Variants in OTOG observed in about 807,000 individuals in gnomAD.
OTOG encodes the protein otogelin.
A neutral mutation model predicts 313.8 loss-of-function variants in OTOG; 296 were observed. That is an observed-to-expected ratio of 0.94 (90% CI 0.86 to 1.04). OTOG has a LOEUF of 1.04. Among genes scored for constraint, OTOG ranks in the 50% least tolerant of loss-of-function variants. The probability of loss-of-function intolerance (pLI) is 0.00; values close to 1 mark genes in which losing one functional copy is unlikely to be tolerated. For synonymous variants in OTOG, 1,533 were observed against 1,554.9 expected (o/e 0.99, Z 0.33); for missense variants, 3,948 against 3,840.1 (o/e 1.03, Z -0.74).
At chr11:17,578,664 A>C in intron 23 of OTOG, 138 bp downstream of exon 23, 3 of 1,122,828 alleles carry the variant, frequency 2.7e-6, no homozygotes, top group Non-Finnish European at 3.6e-6. Flanking sequence ...CACAGCTGTA[A>C]TGGCCAGAGA....
chr11:17,569,289 G>A lies in OTOG; in HGVS notation c.1777+1G>A, dbSNP rs1449192302. ...AAGATCATCCCGCCATACACAGATG[G>A]TACGGTTTGGGGTGGACAACAGACC... On this transcript the variant is annotated splice_donor_variant, in intron 16 of 55. Coordinates refer to ENST00000399397, the MANE Select transcript of OTOG (RefSeq NM_001292063.2). LOFTEE classifies it high-confidence loss of function. 6.4e-7 allele frequency: 1 copy of A among 1,550,594 alleles called. No homozygotes were observed. The highest frequency in any genetic ancestry group is 8.7e-7 in the Non-Finnish European group (1 of 1,146,982).
At position 17,593,200 on chromosome 11, in the gene OTOG, C is replaced by T; in HGVS notation, c.3014C>T (p.Ser1005Leu). ...CACTTATTCTCTCCTCAGAGCACAT[C>T]AGATGTCAGCTTCTCTGTGATTGTA... ...ACKVHLVKST[S>L]DVSFSVIVEN... Residue 1005 changes from serine to leucine, a missense_variant, in exon 26 of 56, where the codon TCA becomes TTA. Physicochemically the swap from Ser to Leu is moderately radical, Grantham distance 145 (BLOSUM62 -2). Transcript: ENST00000399397. The T allele has an allele frequency of 6.5e-7, 1 of 1,550,090 alleles. No homozygotes were observed. Among genetic ancestry groups the T allele is most frequent in the South Asian group, 1.2e-5 (1 of 83,998 alleles).
At chr11:17,570,617 C>A (rs1040143906) in intron 17 of OTOG, 3 of 441,716 alleles carry the variant, frequency 6.8e-6, no homozygotes, top group Non-Finnish European at 8.0e-6. Context: ...AACACTGATT[C>A]CTGAGTCCCG....
At chr11:17,553,252 G>A in intron 5 of OTOG, 41 bp downstream of exon 5, 1 of 1,544,790 alleles carries the variant, frequency 6.5e-7, no homozygotes, top group Non-Finnish European at 8.7e-7. Flanking sequence ...AGGGACCTGG[G>A]TGCAGGGAAA....
Position 17,574,842 on chromosome 11 carries a change from G to C in OTOG, c.2416G>C (p.Glu806Gln). 17 of 1,549,512 alleles carry C rather than the reference G, an allele frequency of 1.1e-5. No homozygotes were observed. The highest frequency in any genetic ancestry group is 1.5e-5 in the Non-Finnish European group (17 of 1,146,464). Residue 806 changes from glutamate to glutamine, a missense_variant, in exon 20 of 56, where the codon GAG becomes CAG. Transcript: ENST00000399397. ...TGGTGGCGATGACCTGAGCAGAGAC[G>C]AGTGTGTGGAGGGCTGTGCCTGCCC... Reference protein sequence around the residue: ...VDGGDDLSRDECVEGCACPPD... With the variant: ...VDGGDDLSRDQCVEGCACPPD...
intron 8 of OTOG, 107 bp from the exon 9 acceptor site, chr11:17,558,078 A>G: frequency 1.5e-6 from 2 of 1,367,986 alleles, no homozygotes; most frequent in Non-Finnish European, 2.0e-6. Context: ...GGATTCTTCA[A>G]AACTCCTTAC....
intron 36 of OTOG, among the ~76,000 whole-genome samples, chr11:17,611,852 G>C (rs371812426): frequency 6.6e-6 from 1 of 152,132 alleles, no homozygotes; most frequent in Non-Finnish European, 1.5e-5. Flanking sequence ...GTATAGGCTT[G>C]TGCAAGTATG....
At chr11:17,630,880 C>T (rs1056503493) in intron 40 of OTOG, among the ~76,000 whole-genome samples, 2 of 152,208 alleles carry the variant, frequency 1.3e-5, no homozygotes, top group Non-Finnish European at 2.9e-5. Flanking sequence ...AAAGCTAGGA[C>T]AGATAAACTT....
rs528446271 is a variant in OTOG, at chr11:17,594,413, T to C, written c.3408+247T>C. Among the ~76,000 whole-genome samples, 26 of 152,274 alleles carry C rather than the reference T, an allele frequency of 1.7e-4. 1 individual carries two copies. Among genetic ancestry groups the C allele is most frequent in the Admixed American group, 1.7e-3 (26 of 15,306 alleles). On this transcript the variant is annotated intron_variant, in intron 28 of 55. Transcript: ENST00000399397. The stretch of plus-strand genomic sequence containing the variant: ...AAGCCCTGGTAGGGTGGTGGAGGGT[T>C]GGGAAGGTGACAAAGTCTGTCCCAG...
In OTOG at chr11:17,635,127, C is replaced by T; in HGVS notation, c.7633C>T (p.Gln2545Ter). The change falls in exon 46 of 56, where the codon CAG becomes TAG. Residue 2545 changes from glutamine to a stop codon, truncating the protein, a stop_gained. Coordinates refer to ENST00000399397, the MANE Select transcript of OTOG (RefSeq NM_001292063.2). LOFTEE classifies it high-confidence loss of function. ...CEAELVPSCR[Q>*]DQILITGRLG... ...GGCAGAGCTGGTCCCCAGCTGCCGA[C>T]AGGACCAGATCCTGATCACGGGCCG... The T allele has an allele frequency of 6.5e-7, 1 of 1,549,374 alleles. No homozygotes were observed. Among genetic ancestry groups the T allele is most frequent in the Non-Finnish European group, 8.7e-7 (1 of 1,146,726 alleles).
Position 17,555,888 on chromosome 11 carries a change from G to A in OTOG, c.650G>A (p.Gly217Glu). ...CATCTGGCCAAGGAGGTCACCCATG[G>A]AGGCATGAGGTAACTCTAACACCTT... ...EIHLAKEVTH[G>E]GMRVQLPHVM... is the part of the protein sequence containing the mutation. Residue 217 changes from glycine (G) to glutamate (E), a missense_variant, in exon 7 of 56, where the codon GGA becomes GAA. Gly to Glu is a moderately conservative substitution (Grantham distance 98). Coordinates refer to ENST00000399397, the MANE Select transcript of OTOG (RefSeq NM_001292063.2). 1 of 1,550,576 alleles carries A rather than the reference G, an allele frequency of 6.4e-7. No homozygotes were observed. Among genetic ancestry groups the A allele is most frequent in the Non-Finnish European group, 8.7e-7 (1 of 1,146,604 alleles).
chr11:17,558,512 C>T (rs750642368), intron 9 of OTOG, 26 bp from the exon 10 acceptor site: 1 of 1,549,484 alleles, frequency 6.5e-7, no homozygotes, highest in Non-Finnish European at 8.7e-7. Flanking sequence ...CAGCCCCTAG[C>T]CCTGGCTCCT....
intron 30 of OTOG, among the ~76,000 whole-genome samples, chr11:17,597,226 G>T (rs911918068): frequency 6.6e-6 from 1 of 152,200 alleles, no homozygotes; most frequent in African/African-American, 2.4e-5. Flanking sequence ...TAGAGAGAGA[G>T]ATCAAGTAAC....
intron 49 of OTOG, 111 bp from the exon 50 acceptor site, chr11:17,640,634 C>T (rs980325077): frequency 6.6e-5 from 79 of 1,190,146 alleles, no homozygotes; most frequent in Non-Finnish European, 7.7e-5. Context: ...CAGCCCCCCT[C>T]CTGCCCACCA....
Position 17,610,881 on chromosome 11 carries a change from C to G in OTOG, c.5581C>G (p.Pro1861Ala), listed in dbSNP as rs1373939655. 1 of 1,550,650 alleles carries G rather than the reference C, an allele frequency of 6.4e-7. No homozygotes were observed. The highest frequency in any genetic ancestry group is 8.7e-7 in the Non-Finnish European group (1 of 1,147,006). The change falls in exon 36 of 56, where the codon CCA (proline) becomes GCA (alanine). Residue 1861 changes from proline (P) to alanine (A), a missense_variant. Transcript: ENST00000399397. ...TCCAGCAGCAATGACCCAGGCGCACCCACCCACTCACATAGCACCCCCAGC... is the reference window on the plus strand; with the variant it reads ...TCCAGCAGCAATGACCCAGGCGCACGCACCCACTCACATAGCACCCCCAGC... ...FTPAAMTQAH[P>A]PTHIAPPAAG...
chr11:17,591,361 C>T (rs757534899), intron 24 of OTOG, 89 bp from the exon 25 acceptor site: 20 of 1,497,718 alleles, frequency 1.3e-5, no homozygotes, highest in Non-Finnish European at 1.5e-5. Flanking sequence ...ACACAGTGCA[C>T]ATGCATTCGA....
chr11:17,642,460 G>A (rs1333505823), intron 53 of OTOG, among the ~76,000 whole-genome samples: 2 of 152,198 alleles, frequency 1.3e-5, no homozygotes, highest in Non-Finnish European at 2.9e-5. Flanking sequence ...ACCACATGCA[G>A]ATGTGCACAA....
chr11:17,557,824 A>G (rs760806899), intron 8 of OTOG, among the ~76,000 whole-genome samples: 9 of 152,122 alleles, frequency 5.9e-5, no homozygotes, highest in Non-Finnish European at 1.3e-4. Flanking sequence ...CCTTGCAACA[A>G]TCTCACTGGG....
chr11:17,554,688 C>T (rs572948191), intron 6 of OTOG, among the ~76,000 whole-genome samples: 2 of 152,184 alleles, frequency 1.3e-5, no homozygotes, highest in Non-Finnish European at 1.5e-5. Context: ...CCTGGATGGG[C>T]GGGGAACTGC....
Sources: gnomAD v4.1 joint callset for allele counts (sites outside exome capture counted in the v4.1 genomes callset) on GRCh38, gnomAD v4.1.1 for gene constraint, MANE v1.5 for transcripts, NCBI Gene and HGNC (gene_info 2026-07-23, HGNC 2026-07-21) for gene names.